SPATA18: variants seen among roughly 807,000 people sequenced by gnomAD.
The protein encoded by SPATA18 is mitochondria-eating protein.
In SPATA18, 54 loss-of-function variants were observed where a neutral mutation model predicts 68.1. The observed-to-expected ratio is 0.79, with a 90% CI of 0.64 to 0.99. The LOEUF (loss-of-function observed/expected upper bound fraction) is 0.99, where lower values mean the gene tolerates loss of function less well. Ranked by LOEUF, SPATA18 falls within the 50% of genes least tolerant of loss-of-function variation. The probability of loss-of-function intolerance (pLI) is 0.00; values close to 1 mark genes in which losing one functional copy is unlikely to be tolerated. For missense variants in SPATA18, 724 were observed against 681.1 expected (o/e 1.06, Z -0.70); for synonymous variants, 242 against 244.8 (o/e 0.99, Z 0.11).
chr4:52,079,442 C>A (rs1740718915), intron 8 of SPATA18, among the ~76,000 whole-genome samples: 1 of 152,154 alleles, frequency 6.6e-6, no homozygotes, highest in African/African-American at 2.4e-5. Context: ...GCACATCATA[C>A]CCTTGCTCAG....
chr4:52,088,764 C>T (rs916001738), intron 11 of SPATA18, among the ~76,000 whole-genome samples: 42 of 152,072 alleles, frequency 2.8e-4, no homozygotes, highest in Non-Finnish European at 1.8e-4. Flanking sequence ...GTGTCTCTGC[C>T]AGGTTTTGGT....
At chr4:52,090,419 C>T (rs941590856) in intron 11 of SPATA18, among the ~76,000 whole-genome samples, 11 of 152,000 alleles carry the variant, frequency 7.2e-5, no homozygotes, top group Admixed American at 3.9e-4. Flanking sequence ...TGGCTGGTAC[C>T]GGTTTTTCCT....
Position 52,051,804 on chromosome 4 carries a change from G to A in SPATA18, c.87+13G>A. 1.2e-6 allele frequency: 2 copies of A among 1,611,832 alleles called. No homozygotes were observed. The highest frequency in any genetic ancestry group is 1.7e-6 in the Non-Finnish European group (2 of 1,178,960). On this transcript the variant is annotated intron_variant, in intron 1 of 12. Coordinates refer to ENST00000295213, the MANE Select transcript of SPATA18 (RefSeq NM_145263.4). ...GAAGGAGTACAACGTGAGTCTGGGT[G>A]AAAAACCCCCGGGGTTCGCCCTCCC... is the stretch of plus-strand genomic sequence containing the variant.
intron 4 of SPATA18, among the ~76,000 whole-genome samples, chr4:52,064,846 C>T (rs918142701): frequency 1.3e-5 from 2 of 152,180 alleles, no homozygotes; most frequent in African/African-American, 4.8e-5. Flanking sequence ...AAGGAATCTC[C>T]ACATTGTTTT....
chr4:52,071,655 A>T (rs1231009519), intron 5 of SPATA18, among the ~76,000 whole-genome samples: 2 of 152,118 alleles, frequency 1.3e-5, no homozygotes, highest in Non-Finnish European at 2.9e-5. Context: ...TTGCTAGAGG[A>T]TCTGCATGAG....
rs547540993 is a variant in SPATA18 at position 52,051,895 on chromosome 4, C to A, written c.87+104C>A. On this transcript the variant is annotated intron_variant, in intron 1 of 12. Coordinates refer to ENST00000295213, the MANE Select transcript of SPATA18 (RefSeq NM_145263.4). ...TGGAGTTGGTGGCCACTTTGCAAAG[C>A]CTCCGCGGTTGCGATTCCTAACCAG... The A allele has an allele frequency of 1.4e-5, 15 of 1,067,916 alleles. No individual in the cohort carries two copies. In the African/African-American group the frequency reaches 2.6e-4, roughly 18 times the overall value. The allele number at this position is 1,067,916 out of a possible 1,614,324, so 66.2% of individuals were successfully genotyped here. A position where few individuals can be genotyped will look rare whatever the true frequency, so the allele number is the denominator to read the frequency against.
intron 1 of SPATA18, among the ~76,000 whole-genome samples, chr4:52,053,553 C>A (rs1254151703): frequency 6.6e-6 from 1 of 152,246 alleles, no homozygotes; most frequent in Non-Finnish European, 1.5e-5. Context: ...ACTTCTCCAA[C>A]TGCCCATTGG....
rs146003936 is a variant in SPATA18, at chr4:52,067,130, G to A, written c.423-2691G>A. Among the ~76,000 whole-genome samples the A allele has an allele frequency of 2.0e-5, 3 of 152,262 alleles. No homozygotes were observed. In the East Asian group the frequency reaches 5.8e-4, roughly 29 times the overall value. On this transcript the variant is annotated intron_variant, in intron 4 of 12. Transcript: ENST00000295213. ...ATATTTCCACTAACAGTGTGAAAAA[G>A]TTCCTATTTCTTTGCAGCCTCGCCA... is the stretch of plus-strand genomic sequence containing the variant.
Position 52,095,162 on chromosome 4 carries a change from C to T in SPATA18, c.*275C>T, listed in dbSNP as rs1422377266. The T allele has an allele frequency of 1.7e-5, 8 of 483,160 alleles. No homozygotes were observed. Among genetic ancestry groups the T allele is most frequent in the Non-Finnish European group, 2.5e-5 (7 of 275,092 alleles). The allele number at this position is 483,160 out of a possible 1,614,324, so 29.9% of individuals were successfully genotyped here. A position where few individuals can be genotyped will look rare whatever the true frequency, so the allele number is the denominator to read the frequency against. On this transcript the variant is annotated 3_prime_UTR_variant, in exon 13 of 13. Transcript: ENST00000295213. The stretch of plus-strand genomic sequence containing the variant: ...GATCATATTCATTCGAAGCAAAGTC[C>T]GTTACAAAGGTTCAAGATTTCCATC...
rs1265186934 is a variant in SPATA18 at position 52,082,453 on chromosome 4, C to T, written c.1422C>T (p.Leu474=). The T allele has an allele frequency of 1.2e-6, 2 of 1,614,130 alleles. No homozygotes were observed. Among genetic ancestry groups the T allele is most frequent in the East Asian group, 4.5e-5 (2 of 44,872 alleles). ...TCCTCTATCACGTGTGGCCTGCTCTCATGGAGAATGACTGTGTCATTATGA... is the reference window on the plus strand; with the variant it reads ...TCCTCTATCACGTGTGGCCTGCTCTTATGGAGAATGACTGTGTCATTATGA... ...PLVLYHVWPA[L]MENDCVIMKG... The change falls in exon 10 of 13, where the codon CTC becomes CTT. Residue 474 remains leucine, a synonymous_variant. Coordinates refer to ENST00000295213, the MANE Select transcript of SPATA18 (RefSeq NM_145263.4).
At chr4:52,059,418 G>C (rs1308351904) in intron 1 of SPATA18, among the ~76,000 whole-genome samples, 1 of 152,220 alleles carries the variant, frequency 6.6e-6, no homozygotes, top group Non-Finnish European at 1.5e-5. Flanking sequence ...GTCAGTTAGA[G>C]ATTTGGCTTA....
chr4:52,069,747 G>C, intron 4 of SPATA18, 74 bp from the exon 5 acceptor site: 2 of 1,097,480 alleles, frequency 1.8e-6, no homozygotes, highest in Non-Finnish European at 2.5e-6. Context: ...AAGTTCCTAA[G>C]TGAGCCTCTG....
chr4:52,073,321 C>A (rs1199748226), intron 6 of SPATA18, among the ~76,000 whole-genome samples: 1 of 152,180 alleles, frequency 6.6e-6, no homozygotes, highest in Admixed American at 6.5e-5. Flanking sequence ...TCTGTAAAAC[C>A]TCCCTTTATG....
intron 11 of SPATA18, among the ~76,000 whole-genome samples, chr4:52,088,903 G>C (rs536268015): frequency 1.3e-5 from 2 of 152,030 alleles, no homozygotes; most frequent in African/African-American, 2.4e-5. Context: ...CTGTGAATCC[G>C]TCTGGTCCTG....
At chr4:52,066,856 G>A (rs1226283121) in intron 4 of SPATA18, among the ~76,000 whole-genome samples, 1 of 152,180 alleles carries the variant, frequency 6.6e-6, no homozygotes, top group Non-Finnish European at 1.5e-5. Context: ...TGGCTGCATA[G>A]CATTCCATGG....
intron 6 of SPATA18, among the ~76,000 whole-genome samples, chr4:52,076,486 C>T (rs1179775781): frequency 6.6e-6 from 1 of 152,140 alleles, no homozygotes; most frequent in Non-Finnish European, 1.5e-5. Flanking sequence ...TTAGGGATTA[C>T]AAAAGAAAAT....
chr4:52,054,512 C>T (rs1304931634), intron 1 of SPATA18, among the ~76,000 whole-genome samples: 6 of 152,122 alleles, frequency 3.9e-5, no homozygotes, highest in African/African-American at 7.2e-5. Context: ...GTAATATTCA[C>T]GAAGGGGGAA....
intron 10 of SPATA18, chr4:52,083,116 CGTATGTGA>C (rs1560606373): frequency 1.0e-6 from 1 of 985,108 alleles, no homozygotes; most frequent in African/African-American, 1.7e-5. Context: ...TCTTAGGTAC[CGTATGTGA>C]GCATGTGGGT....
intron 6 of SPATA18, among the ~76,000 whole-genome samples, chr4:52,072,825 CCTCT>C (rs988139850): frequency 6.6e-6 from 1 of 152,132 alleles, no homozygotes; most frequent in Non-Finnish European, 1.5e-5. Context: ...GCCTGGGAGT[CCTCT>C]CTCCAGGGAT....
Sources: allele counts gnomAD v4.1 joint callset (sites outside exome capture counted in the v4.1 genomes callset), GRCh38; gene constraint gnomAD v4.1.1; transcripts MANE v1.5; gene names NCBI Gene and HGNC (gene_info 2026-07-23, HGNC 2026-07-21).